Variants in SPTBN4 observed in about 807,000 individuals in gnomAD.
SPTBN4 encodes spectrin beta chain, non-erythrocytic 4.
SPTBN4 carries 96 observed loss-of-function variants against 277.8 expected under a neutral mutation model. The observed-to-expected ratio is 0.35, with a 90% CI of 0.29 to 0.41. The LOEUF is 0.41. Among genes scored for constraint, SPTBN4 ranks in the 10% least tolerant of loss-of-function variants. The pLI is 1.00. For synonymous variants in SPTBN4, 1,481 were observed against 1,580.3 expected, an observed-to-expected ratio of 0.94 and a Z score of 1.49; for missense variants, 3,006 against 3,595.7, an observed-to-expected ratio of 0.84 and a Z score of 4.19.
chr19:40,503,976 C>G lies in SPTBN4; in HGVS notation c.1509C>G (p.Ile503Met). The G allele has an allele frequency of 6.2e-7, 1 of 1,613,954 alleles. No individual in the cohort carries two copies. The highest frequency in any genetic ancestry group is 2.2e-5 in the East Asian group (1 of 44,884). ...QALAAEGYYD[I>M]RRVAAQRDSV... is the part of the protein sequence containing the mutation. ...TGGCAGCCGAAGGCTACTACGATAT[C>G]CGGCGGGTGGCAGCCCAGCGTGACA... Residue 503 changes from isoleucine to methionine, a missense_variant, in exon 12 of 36, where the codon ATC becomes ATG. Coordinates refer to ENST00000598249, the MANE Select transcript of SPTBN4 (RefSeq NM_020971.3).
At chr19:40,475,733 A>T (rs921364057) in intron 2 of SPTBN4, among the ~76,000 whole-genome samples, 4 of 148,606 alleles carry the variant, frequency 2.7e-5, no homozygotes, top group African/African-American at 1.0e-4. Flanking sequence ...AAATGCTAGG[A>T]TTACAGGCAT....
In SPTBN4 at chr19:40,556,255, A is replaced by G; in HGVS notation, c.5256A>G (p.Ser1752=). The part of the protein sequence containing the change: ...WIAEKEVVAG[S]PELGQDFEHV... ...CCGAGAAGGAGGTGGTGGCTGGCTC[A>G]CCCGAGCTCGGCCAGGACTTTGAGC... The change falls in exon 25 of 36, where the codon TCA becomes TCG. Residue 1752 remains serine, a synonymous_variant. Coordinates refer to ENST00000598249, the MANE Select transcript of SPTBN4 (RefSeq NM_020971.3). 1 of 1,611,982 alleles carries G rather than the reference A, an allele frequency of 6.2e-7. No individual in the cohort carries two copies. Among genetic ancestry groups the G allele is most frequent in the South Asian group, 1.1e-5 (1 of 90,962 alleles).
At position 40,563,220 on chromosome 19, in the gene SPTBN4, A is replaced by AT. The variant is rs879536950; in HGVS notation, c.5916-2191dup. ...GAGCGAGATTCTGTCTTAAAAAAAAATTTTTTTTTTTTAATTAGCTGGGCA... is the reference window on the plus strand; with the variant it reads ...GAGCGAGATTCTGTCTTAAAAAAAAATTTTTTTTTTTTTAATTAGCTGGGCA... On this transcript the variant is annotated intron_variant, in intron 27 of 35. Transcript: ENST00000598249. 3.3e-4 allele frequency among the ~76,000 whole-genome samples: 49 copies of AT among 148,318 alleles called. No individual in the cohort carries two copies. In the East Asian group the frequency reaches 5.7e-3, roughly 17 times the overall value.
At chr19:40,516,025 A>G (rs1200670297) in intron 15 of SPTBN4, among the ~76,000 whole-genome samples, 4 of 146,410 alleles carry the variant, frequency 2.7e-5, no homozygotes, top group African/African-American at 7.6e-5. Context: ...ACATATACGT[A>G]TATATACACA....
At chr19:40,573,307 G>T (rs2081171345) in intron 35 of SPTBN4, among the ~76,000 whole-genome samples, 2 of 152,120 alleles carry the variant, frequency 1.3e-5, no homozygotes, top group Non-Finnish European at 2.9e-5. Flanking sequence ...GTGAGATTCT[G>T]TCTCAAAAAC....
Position 40,567,636 on chromosome 19 carries a change from A to G in SPTBN4, c.6337-27A>G, listed in dbSNP as rs765238411. 6.4e-5 allele frequency: 93 copies of G among 1,459,690 alleles called. 1 individual carries two copies. In the Middle Eastern group the frequency reaches 4.9e-3, roughly 77 times the overall value. The allele number at this position is 1,459,690 out of a possible 1,614,324, so 90.4% of individuals were successfully genotyped here. On this transcript the variant is annotated intron_variant, in intron 30 of 35. Transcript: ENST00000598249. ...ACCCCGCCCCGGCCCCACGCCTCCAACCTAACCCTGGTCCCTCCATCCTCA... is the reference window on the plus strand; with the variant it reads ...ACCCCGCCCCGGCCCCACGCCTCCAGCCTAACCCTGGTCCCTCCATCCTCA...
In SPTBN4 at chr19:40,532,826, GCCC is replaced by G. The variant is rs895651336; in HGVS notation, c.4095+56_4095+58del. ...GCCAGGTGCAGGAGGCCTCCAGGGA[GCCC>G]ACGTCTCACCTGCTGCACCCGCTGC... On this transcript the variant is annotated intron_variant, in intron 19 of 35. Coordinates refer to ENST00000598249, the MANE Select transcript of SPTBN4 (RefSeq NM_020971.3). 6.5e-5 allele frequency: 100 copies of G among 1,546,532 alleles called. No individual in the cohort carries two copies. In the African/African-American group the frequency reaches 9.3e-4, roughly 14 times the overall value.
At chr19:40,535,431 AGAGGT>A (rs1311491696) in intron 20 of SPTBN4, among the ~76,000 whole-genome samples, 4 of 152,106 alleles carry the variant, frequency 2.6e-5, no homozygotes, top group African/African-American at 9.7e-5. Context: ...CCAGGAGGTG[AGAGGT>A]GAACTTACTT....
chr19:40,530,353 T>C (rs539670811), intron 18 of SPTBN4: 26 of 212,352 alleles, frequency 1.2e-4, no homozygotes, highest in African/African-American at 4.0e-4. Context: ...ACCCGAAGCC[T>C]TGGGGCGAGT....
chr19:40,566,987 CA>C (rs201200184), intron 30 of SPTBN4: 36 of 245,586 alleles, frequency 1.5e-4, no homozygotes, highest in East Asian at 2.2e-4. Context: ...AAAAAAACAA[CA>C]AAAAAAAACC....
At position 40,512,963 on chromosome 19, in the gene SPTBN4, T is replaced by A; in HGVS notation, c.2174T>A (p.Leu725Gln). ...CAGGCCCTGCGGTGTGGCGAGGAGC[T>A]GGTTGCGGCCGGCGGTGCCGTCGGC... ...LQQALRCGEE[L>Q]VAAGGAVGPG... The change falls in exon 14 of 36, where the codon CTG becomes CAG. Residue 725 changes from leucine to glutamine, a missense_variant. Physicochemically the swap from Leu to Gln is moderately radical, Grantham distance 113 (BLOSUM62 -2). Around this residue, in one of 5 missense-constraint regions of SPTBN4, gnomAD observed 1,759 missense variants for 2,061.5 expected, o/e 0.85. Coordinates refer to ENST00000598249, the MANE Select transcript of SPTBN4 (RefSeq NM_020971.3). 5.0e-6 allele frequency: 7 copies of A among 1,412,372 alleles called. No homozygotes were observed. The highest frequency in any genetic ancestry group is 6.4e-6 in the Non-Finnish European group (7 of 1,093,362). 87.5% of individuals were successfully genotyped at this position (1,412,372 alleles called of 1,614,324 possible).
intron 2 of SPTBN4, among the ~76,000 whole-genome samples, chr19:40,483,230 C>A (rs888693483): frequency 1.3e-5 from 2 of 152,098 alleles, no homozygotes; most frequent in East Asian, 3.9e-4. Context: ...ATTCTGGTAC[C>A]ACTCTAGGGA....
In SPTBN4 at chr19:40,575,490, T is replaced by C. The variant is rs759092255; in HGVS notation, c.7616T>C (p.Leu2539Pro). ...HAEIARWGQT[L>P]PTTSSTDEGN... Reference sequence around the variant, plus strand: ...GAGATCGCCCGCTGGGGCCAGACACTACCCACTACTTCATCCACAGATGAG... The same window carrying C: ...GAGATCGCCCGCTGGGGCCAGACACCACCCACTACTTCATCCACAGATGAG... Residue 2539 changes from leucine to proline, a missense_variant, in exon 36 of 36, where the codon CTA (leucine) becomes CCA (proline). Leu to Pro is a moderately conservative substitution (Grantham distance 98). Transcript: ENST00000598249. 1.9e-6 allele frequency: 3 copies of C among 1,613,428 alleles called. No homozygotes were observed. Among genetic ancestry groups the C allele is most frequent in the Non-Finnish European group, 2.5e-6 (3 of 1,179,952 alleles).
At chr19:40,469,846 G>A (rs1046414735) in intron 1 of SPTBN4, among the ~76,000 whole-genome samples, 3 of 151,702 alleles carry the variant, frequency 2.0e-5, no homozygotes, top group Non-Finnish European at 4.4e-5. Context: ...GTTTCACCAT[G>A]TTGGCCAGGC....
At chr19:40,472,314 G>C (rs1197505933) in intron 1 of SPTBN4, among the ~76,000 whole-genome samples, 1 of 151,840 alleles carries the variant, frequency 6.6e-6, no homozygotes, top group East Asian at 1.9e-4. Context: ...CAAAGTGTTG[G>C]GATTATAGGC....
intron 15 of SPTBN4, among the ~76,000 whole-genome samples, chr19:40,516,048 T>C (rs1305213998): frequency 7.0e-6 from 1 of 143,294 alleles, no homozygotes; most frequent in Non-Finnish European, 1.5e-5. Context: ...TATATGTATA[T>C]ATATATACAC....
In SPTBN4 at chr19:40,472,683, C is replaced by G. The variant is rs765751602; in HGVS notation, c.62C>G (p.Pro21Arg). The G allele has an allele frequency of 1.2e-6, 2 of 1,613,880 alleles. No homozygotes were observed. The highest frequency in any genetic ancestry group is 1.7e-6 in the Non-Finnish European group (2 of 1,179,956). Reference protein sequence around the residue: ...MEGLPAPNNNPAARWESPDRG... With the variant: ...MEGLPAPNNNRAARWESPDRG... ...GGCCTGCCTGCTCCTAACAACAACC[C>G]TGCTGCCCGCTGGGAGAGTCCGGAT... Residue 21 changes from proline (P) to arginine (R), a missense_variant, in exon 2 of 36, where the codon CCT becomes CGT. Coordinates refer to ENST00000598249, the MANE Select transcript of SPTBN4 (RefSeq NM_020971.3).
At position 40,554,172 on chromosome 19, in the gene SPTBN4, A is replaced by C; in HGVS notation, c.4700A>C (p.His1567Pro). The stretch of plus-strand genomic sequence containing the variant: ...GGCCTGCGGCGGGAGATCCAGGCGC[A>C]TGGGCCGCGCCTGGAGGAGGTGCTG... Reference protein sequence around the residue: ...NQGLRREIQAHGPRLEEVLER... With the variant: ...NQGLRREIQAPGPRLEEVLER... The change falls in exon 23 of 36, where the codon CAT (histidine) becomes CCT (proline). Residue 1567 changes from histidine to proline, a missense_variant. Coordinates refer to ENST00000598249, the MANE Select transcript of SPTBN4 (RefSeq NM_020971.3). This position sits in a 1 kb window ranked among gnomAD's most constrained non-coding sequence, Gnocchi z 5.7. 2 of 1,447,778 alleles carry C rather than the reference A, an allele frequency of 1.4e-6. No individual in the cohort carries two copies. The highest frequency in any genetic ancestry group is 1.8e-6 in the Non-Finnish European group (2 of 1,115,646). The allele number at this position is 1,447,778 out of a possible 1,614,324, so 89.7% of individuals were successfully genotyped here.
At chr19:40,538,763 G>C (rs1379395251) in intron 20 of SPTBN4, among the ~76,000 whole-genome samples, 1 of 152,082 alleles carries the variant, frequency 6.6e-6, no homozygotes, top group Admixed American at 6.6e-5. Flanking sequence ...AATTTTTGTA[G>C]TATTTTATAG....
Sources: gnomAD v4.1 joint callset for allele counts (sites outside exome capture counted in the v4.1 genomes callset) on GRCh38, gnomAD v4.1.1 for gene constraint, gnomAD v4.1.1 regional missense constraint, Gnocchi (gnomAD v3.1) non-coding constraint, MANE v1.5 for transcripts, NCBI Gene and HGNC (gene_info 2026-07-23, HGNC 2026-07-21) for gene names.